RLF: variants seen among roughly 807,000 people sequenced by gnomAD.
RLF encodes the protein zinc finger protein Rlf.
In RLF, 7 loss-of-function variants were observed where a neutral mutation model predicts 162.9. The ratio of observed to expected loss-of-function variants is 0.04; its 90% confidence interval spans 0.02 to 0.08. The LOEUF is 0.08. RLF is among the 10% of genes least tolerant of loss of function. RLF has a pLI of 1.00. For missense variants in RLF, 1,664 were observed against 2,244.7 expected (o/e 0.74, Z 5.23); for synonymous variants, 782 against 791.5 (o/e 0.99, Z 0.20).
chr1:40,232,306 T>C (rs1643162711), intron 7 of RLF, among the ~76,000 whole-genome samples: 1 of 152,192 alleles, frequency 6.6e-6, no homozygotes. Flanking sequence ...CATTTTGTTT[T>C]GTTTAAATCT....
chr1:40,188,165 A>G (rs1382290058), intron 1 of RLF, among the ~76,000 whole-genome samples: 1 of 152,222 alleles, frequency 6.6e-6, no homozygotes, highest in African/African-American at 2.4e-5. Context: ...TATATGAACA[A>G]GAGAGAAAAC....
intron 5 of RLF, among the ~76,000 whole-genome samples, chr1:40,222,143 C>CT (rs1360348601): frequency 3.9e-5 from 6 of 152,038 alleles, no homozygotes; most frequent in African/African-American, 1.4e-4. Flanking sequence ...AACTGGCCTC[C>CT]TTTAGCCCCA....
intron 5 of RLF, among the ~76,000 whole-genome samples, chr1:40,203,109 C>CTTTTTTT (rs34957684): frequency 5.0e-5 from 5 of 99,688 alleles, no homozygotes; most frequent in African/African-American, 7.9e-5. Context: ...AGGGTTGAGT[C>CTTTTTTT]TTTTTTTTTT....
At chr1:40,218,450 A>G (rs1642953717) in intron 5 of RLF, among the ~76,000 whole-genome samples, 1 of 152,172 alleles carries the variant, frequency 6.6e-6, no homozygotes, top group South Asian at 2.1e-4. Context: ...GCTCTATCCT[A>G]AGTCTCTAAA....
intron 5 of RLF, among the ~76,000 whole-genome samples, chr1:40,208,718 G>A (rs532479320): frequency 6.6e-6 from 1 of 152,310 alleles, no homozygotes; most frequent in South Asian, 2.1e-4. Context: ...TCGGGAGGCT[G>A]AGGTGGGAGG....
intron 1 of RLF, among the ~76,000 whole-genome samples, chr1:40,176,354 C>T (rs1642325726): frequency 6.6e-6 from 1 of 152,214 alleles, no homozygotes; most frequent in Admixed American, 6.5e-5. Context: ...TTTTCTATCT[C>T]CTCACTAACA....
chr1:40,225,878 C>CA (rs71577617), intron 6 of RLF, among the ~76,000 whole-genome samples: 3,116 of 14,572 alleles, frequency 0.21, 634 homozygotes, highest in Non-Finnish European at 0.25. Flanking sequence ...GACTCCGTCG[C>CA]AAAAAAAAAA....
chr1:40,182,452 A>G (rs1642417024), intron 1 of RLF, among the ~76,000 whole-genome samples: 2 of 152,002 alleles, frequency 1.3e-5, no homozygotes, highest in Admixed American at 1.3e-4. Flanking sequence ...AGAAAAGAAA[A>G]GTAAAGGAAA....
At position 40,240,280 on chromosome 1, in the gene RLF, C is replaced by A. The variant is rs752569696; in HGVS notation, c.5578C>A (p.Leu1860Met). 1.8e-5 allele frequency: 29 copies of A among 1,614,042 alleles called. No homozygotes were observed. The East Asian group carries it at 6.5e-4, about 36-fold the overall frequency. Residue 1860 changes from leucine to methionine, a missense_variant, in exon 8 of 8, where the codon CTG becomes ATG. By Grantham distance (15) the Leu-to-Met change is conservative (BLOSUM62 2). Transcript: ENST00000372771. ...ETTTVPSLEN[L>M]RVVLDKALTD... ...AACAACAGTTCCTTCCTTGGAAAAC[C>A]TGAGGGTTGTATTGGACAAAGCATT...
intron 1 of RLF, among the ~76,000 whole-genome samples, chr1:40,183,873 G>A (rs540895660): frequency 6.6e-6 from 1 of 152,278 alleles, no homozygotes; most frequent in South Asian, 2.1e-4. Flanking sequence ...CTTAGGAAGT[G>A]CCTAACCCAT....
At chr1:40,200,986 C>A (rs1346863289) in intron 4 of RLF, among the ~76,000 whole-genome samples, 2 of 111,256 alleles carry the variant, frequency 1.8e-5, no homozygotes, top group African/African-American at 8.7e-5. Context: ...CACACACACC[C>A]CAGTGGTTTA....
chr1:40,205,635 G>A lies in RLF; in HGVS notation c.810+3021G>A, dbSNP rs926417921. On this transcript the variant is annotated intron_variant, in intron 5 of 7. Transcript: ENST00000372771. ...CTCCCGAGTAGCTGGGACTACAGGCGCCCGCCACCATGCCCGGCTAATTTT... is the reference window on the plus strand; with the variant it reads ...CTCCCGAGTAGCTGGGACTACAGGCACCCGCCACCATGCCCGGCTAATTTT... Among the ~76,000 whole-genome samples, 55 of 151,578 alleles carry A rather than the reference G, an allele frequency of 3.6e-4. 2 individuals are homozygous for A. The highest frequency in any genetic ancestry group is 6.6e-5 in the Admixed American group (1 of 15,212).
chr1:40,163,716 T>A (rs989229265), intron 1 of RLF, among the ~76,000 whole-genome samples: 4 of 152,180 alleles, frequency 2.6e-5, no homozygotes, highest in African/African-American at 9.7e-5. Flanking sequence ...GGGAGTTAAG[T>A]TGGGTCTTGA....
chr1:40,192,202 G>A (rs995750109), intron 3 of RLF, among the ~76,000 whole-genome samples: 2 of 152,112 alleles, frequency 1.3e-5, no homozygotes, highest in East Asian at 1.9e-4. Context: ...TCTTTCATGC[G>A]TAGCACTTTG....
At position 40,239,598 on chromosome 1, in the gene RLF, T is replaced by C; in HGVS notation, c.4896T>C (p.Ser1632=). ...RTEHSHSPGD[S]SAPIQNTDCC... is the part of the protein sequence containing the mutation. Reference sequence around the variant, plus strand: ...AACACAGCCATTCCCCGGGTGACAGTAGTGCACCCATCCAGAACACTGATT... The same window carrying C: ...AACACAGCCATTCCCCGGGTGACAGCAGTGCACCCATCCAGAACACTGATT... The change falls in exon 8 of 8, where the codon AGT becomes AGC. Residue 1632 remains serine, a synonymous_variant. Coordinates refer to ENST00000372771, the MANE Select transcript of RLF (RefSeq NM_012421.4). 6.2e-7 allele frequency: 1 copy of C among 1,614,046 alleles called. No individual in the cohort carries two copies. Among genetic ancestry groups the C allele is most frequent in the Non-Finnish European group, 8.5e-7 (1 of 1,179,976 alleles).
intron 5 of RLF, among the ~76,000 whole-genome samples, chr1:40,217,536 C>T (rs556876787): frequency 1.3e-5 from 2 of 152,164 alleles, no homozygotes; most frequent in South Asian, 4.2e-4. Context: ...CTTTGGGAAG[C>T]CGAGGCGAGC....
chr1:40,238,410 T>G lies in RLF; in HGVS notation c.3708T>G (p.Ser1236Arg). Residue 1236 changes from serine to arginine, a missense_variant, in exon 8 of 8, where the codon AGT becomes AGG. Physicochemically the swap from Ser to Arg is moderately radical, Grantham distance 110. Coordinates refer to ENST00000372771, the MANE Select transcript of RLF (RefSeq NM_012421.4). The surrounding 1 kb of genome is among the most constrained non-coding windows in gnomAD (Gnocchi z 5.2). ...DCSAELGGDP[S>R]SNSEKPHCHP... The stretch of plus-strand genomic sequence containing the variant: ...CTGCAGAACTTGGAGGTGATCCCAG[T>G]AGTAACTCTGAGAAACCACACTGTC... The G allele has an allele frequency of 6.2e-7, 1 of 1,614,118 alleles. No individual in the cohort carries two copies. The highest frequency in any genetic ancestry group is 1.1e-5 in the South Asian group (1 of 91,080).
chr1:40,178,632 G>GTTTTTTT lies in RLF; in HGVS notation c.238-10413_238-10407dup, dbSNP rs57391266. 2.3e-5 allele frequency among the ~76,000 whole-genome samples: 2 copies of GTTTTTTT among 88,410 alleles called. 1 individual carries two copies. Among genetic ancestry groups the GTTTTTTT allele is most frequent in the Admixed American group, 2.4e-4 (2 of 8,318 alleles). 58.0% of individuals were successfully genotyped at this position (88,410 alleles called of 152,430 possible). A position where few individuals can be genotyped will look rare whatever the true frequency, so the allele number is the denominator to read the frequency against. ...GCTGTCTTTGGTGTTTTTTTTTTTT[G>GTTTTTTT]TTTTTTTTTTTTTTTTGGAGAGATG... On this transcript the variant is annotated intron_variant, in intron 1 of 7. Transcript: ENST00000372771.
chr1:40,182,049 C>T (rs1371168380), intron 1 of RLF, among the ~76,000 whole-genome samples: 1 of 151,990 alleles, frequency 6.6e-6, no homozygotes, highest in Admixed American at 6.6e-5. Context: ...GTTGTGCAGC[C>T]ATAAAAACAC....
Sources: allele counts gnomAD v4.1 joint callset (sites outside exome capture counted in the v4.1 genomes callset), GRCh38; gene constraint gnomAD v4.1.1; non-coding constraint Gnocchi (gnomAD v3.1); transcripts MANE v1.5; gene names NCBI Gene and HGNC (gene_info 2026-07-23, HGNC 2026-07-21).